The following MBD5 variants were observed in gnomAD, a reference collection of about 807,000 sequenced individuals.
MBD5 encodes the protein methyl-CpG-binding domain protein 5.
A neutral mutation model predicts 117.3 loss-of-function variants in MBD5; 13 were observed. That is an observed-to-expected ratio of 0.11 (90% CI 0.07 to 0.18). MBD5 has a LOEUF of 0.18. Among genes scored for constraint, MBD5 ranks in the 10% least tolerant of loss-of-function variants. The pLI, the probability that MBD5 is intolerant of heterozygous loss-of-function variation, is 1.00. For missense variants in MBD5, 1,879 were observed against 2,093.8 expected (o/e 0.90, Z 2.00); for synonymous variants, 727 against 766.4 (o/e 0.95, Z 0.85).
intron 11 of MBD5, among the ~76,000 whole-genome samples, chr2:148,493,245 T>G (rs1340190280): frequency 1.3e-5 from 2 of 152,218 alleles, no homozygotes; most frequent in African/African-American, 2.4e-5. Context: ...TTTCCTACAT[T>G]ATCACTTTAA....
At chr2:148,151,871 G>C (rs957629406) in intron 1 of MBD5, among the ~76,000 whole-genome samples, 3 of 151,746 alleles carry the variant, frequency 2.0e-5, no homozygotes, top group Non-Finnish European at 2.9e-5. Flanking sequence ...TATCAATTTT[G>C]TTGATCCTTT....
chr2:148,200,537 A>G (rs748032055), intron 2 of MBD5, among the ~76,000 whole-genome samples: 5 of 151,924 alleles, frequency 3.3e-5, no homozygotes, highest in Admixed American at 1.3e-4. Context: ...TAAAACTACA[A>G]AAAAAATTAG....
At chr2:148,382,261 T>C (rs1004058644) in intron 4 of MBD5, among the ~76,000 whole-genome samples, 2 of 151,514 alleles carry the variant, frequency 1.3e-5, no homozygotes, top group African/African-American at 4.9e-5. Context: ...TGGAGGAAGA[T>C]CTACCAAGCA....
At chr2:148,503,699 G>A (rs988480010) in intron 12 of MBD5, among the ~76,000 whole-genome samples, 1 of 152,132 alleles carries the variant, frequency 6.6e-6, no homozygotes, top group Non-Finnish European at 1.5e-5. Flanking sequence ...GTTAATTGCC[G>A]GATAACATCC....
At chr2:148,177,864 A>G (rs1698427742) in intron 1 of MBD5, among the ~76,000 whole-genome samples, 1 of 152,212 alleles carries the variant, frequency 6.6e-6, no homozygotes, top group Admixed American at 6.5e-5. Context: ...CTAATCCAAA[A>G]ATCATTTATG....
At chr2:148,376,210 A>G (rs546216117) in intron 4 of MBD5, among the ~76,000 whole-genome samples, 1 of 151,582 alleles carries the variant, frequency 6.6e-6, no homozygotes, top group East Asian at 1.9e-4. Flanking sequence ...GTTAAGCTCT[A>G]CATGTATGAT....
intron 1 of MBD5, among the ~76,000 whole-genome samples, chr2:148,072,589 T>C (rs1166775842): frequency 6.6e-6 from 1 of 152,186 alleles, no homozygotes; most frequent in Non-Finnish European, 1.5e-5. Flanking sequence ...TGAATGATTT[T>C]AGATTTAATA....
intron 2 of MBD5, among the ~76,000 whole-genome samples, chr2:148,203,598 G>A (rs1174673716): frequency 2.6e-5 from 4 of 152,156 alleles, no homozygotes; most frequent in Non-Finnish European, 4.4e-5. Flanking sequence ...TCAAGGAAAG[G>A]GTGGGTTCAC....
At chr2:148,143,861 A>G (rs1401702482) in intron 1 of MBD5, among the ~76,000 whole-genome samples, 1 of 152,022 alleles carries the variant, frequency 6.6e-6, no homozygotes, top group Non-Finnish European at 1.5e-5. Context: ...ATTGATGGAC[A>G]TTTGGGTTGG....
rs1282700766 is a variant in MBD5, at chr2:148,469,283, G to A, written c.1340G>A (p.Gly447Glu). Residue 447 changes from glycine to glutamate, a missense_variant, in exon 8 of 14, where the codon GGG becomes GAG. Physicochemically the swap from Gly to Glu is moderately conservative, Grantham distance 98 (BLOSUM62 -2). Around this residue, in one of 4 missense-constraint regions of MBD5, gnomAD observed 1,666 missense variants for 1,792.2 expected, o/e 0.93. Coordinates refer to ENST00000642680, the MANE Select transcript of MBD5 (RefSeq NM_001378120.1). ...SPVTSPVHMM[G>E]TGIGRIEASP... is the part of the protein sequence containing the mutation. ...GTGACATCCCCCGTGCACATGATGG[G>A]GACTGGAATTGGAAGGATTGAGGCA... 6.2e-7 allele frequency: 1 copy of A among 1,613,844 alleles called. No homozygotes were observed.
At chr2:148,256,852 C>A (rs934362527) in intron 3 of MBD5, among the ~76,000 whole-genome samples, 1 of 152,244 alleles carries the variant, frequency 6.6e-6, no homozygotes, top group Non-Finnish European at 1.5e-5. Flanking sequence ...GGTCCCAAGA[C>A]CTTTTGCAGC....
At position 148,458,223 on chromosome 2, in the gene MBD5, A is replaced by C; in HGVS notation, c.-536A>C. The C allele has an allele frequency of 2.5e-6, 1 of 402,298 alleles. No individual in the cohort carries two copies. Among genetic ancestry groups the C allele is most frequent in the East Asian group, 3.5e-5 (1 of 28,250 alleles). 24.9% of individuals were successfully genotyped at this position (402,298 alleles called of 1,614,324 possible). ...TTCAGGCTACATTATTGGAATTTTG[A>C]AGTCATGAAAACATCAGATGAACCA... On this transcript the variant is annotated 5_prime_UTR_variant, in exon 5 of 14. Transcript: ENST00000642680.
chr2:148,252,050 A>G (rs1372103067), intron 3 of MBD5, among the ~76,000 whole-genome samples: 1 of 152,192 alleles, frequency 6.6e-6, no homozygotes, highest in East Asian at 1.9e-4. Context: ...GTTGGCTGCC[A>G]CAGTGATTGG....
In MBD5 at chr2:148,502,380, G is replaced by A. The variant is rs73003524; in HGVS notation, c.4963-56G>A. The A allele has an allele frequency of 0.075, 115,300 of 1,532,130 alleles. 4,993 individuals carry two copies. Among genetic ancestry groups the A allele is most frequent in the East Asian group, 0.19 (8,285 of 44,428 alleles). The allele number at this position is 1,532,130 out of a possible 1,614,324, so 94.9% of individuals were successfully genotyped here. A position where few individuals can be genotyped will look rare whatever the true frequency, so the allele number is the denominator to read the frequency against. ...CTTGTACGGCAGGAAAGTAAAAACC[G>A]TGTTTAACAATTACAGGTCTGGGTA... On this transcript the variant is annotated intron_variant, in intron 11 of 13. Transcript: ENST00000642680.
intron 3 of MBD5, among the ~76,000 whole-genome samples, chr2:148,307,798 G>A (rs1407060951): frequency 1.3e-5 from 2 of 151,716 alleles, no homozygotes; most frequent in African/African-American, 2.4e-5. Context: ...CCTAGCCCCC[G>A]ACCCACTGAC....
intron 4 of MBD5, among the ~76,000 whole-genome samples, chr2:148,385,848 T>C (rs954679663): frequency 6.0e-4 from 90 of 150,582 alleles, no homozygotes; most frequent in African/African-American, 2.0e-3. Flanking sequence ...TTCTCAGCAA[T>C]CTATCGCAAG....
At chr2:148,208,134 T>A (rs553863157) in intron 2 of MBD5, among the ~76,000 whole-genome samples, 1 of 152,308 alleles carries the variant, frequency 6.6e-6, no homozygotes, top group African/African-American at 2.4e-5. Flanking sequence ...TTATTAAGAT[T>A]AGTTAATCAA....
At chr2:148,466,998 A>G (rs1379063258) in intron 7 of MBD5, among the ~76,000 whole-genome samples, 1 of 152,170 alleles carries the variant, frequency 6.6e-6, no homozygotes, top group Admixed American at 6.6e-5. Context: ...CATACCTATT[A>G]TTGCAAATGA....
At chr2:148,370,624 G>A (rs1033587202) in intron 4 of MBD5, among the ~76,000 whole-genome samples, 5 of 152,046 alleles carry the variant, frequency 3.3e-5, no homozygotes, top group Non-Finnish European at 5.9e-5. Flanking sequence ...AAGTAGCTGG[G>A]ACCATGGATG....
Sources: allele counts gnomAD v4.1 joint callset (sites outside exome capture counted in the v4.1 genomes callset), GRCh38; gene constraint gnomAD v4.1.1; regional missense constraint gnomAD v4.1.1; transcripts MANE v1.5; gene names NCBI Gene and HGNC (gene_info 2026-07-23, HGNC 2026-07-21).